Variants in SARDH observed in about 807,000 individuals in gnomAD.
SARDH encodes sarcosine dehydrogenase, also known as sarcosine dehydrogenase, mitochondrial.
Under a neutral mutation model 109.1 loss-of-function variants are expected in SARDH, and 95 were observed. The observed-to-expected ratio is 0.87, with a 90% CI of 0.74 to 1.03. The LOEUF (loss-of-function observed/expected upper bound fraction) is 1.03, where lower values mean the gene tolerates loss of function less well. Ranked by LOEUF, SARDH falls within the 50% of genes least tolerant of loss-of-function variation. The pLI is 0.00. For missense variants in SARDH, 1,267 were observed against 1,287.8 expected (o/e 0.98, Z 0.25); for synonymous variants, 572 against 534.8 (o/e 1.07, Z -0.96).
Position 133,694,313 on chromosome 9 carries a change from A to C in SARDH, c.1866T>G (p.Thr622=). ...NHRGGTESDL[T]VSRLAPSHQA... is the part of the protein sequence containing the mutation. ...GGTGGCTGGGTGCCAGGCGGCTGAC[A>C]GTCAGGTCACTCTCGGTGCCCCCAC... The change falls in exon 15 of 21, where the codon ACT becomes ACG. Residue 622 remains threonine (T), a synonymous_variant. Coordinates refer to ENST00000439388, the MANE Select transcript of SARDH (RefSeq NM_001134707.2). 1.3e-6 allele frequency: 2 copies of C among 1,550,608 alleles called. No homozygotes were observed. Among genetic ancestry groups the C allele is most frequent in the South Asian group, 2.4e-5 (2 of 84,042 alleles).
At chr9:133,660,762 C>T (rs1290667787), downstream of SARDH, among the ~76,000 whole-genome samples, 2 of 152,190 alleles carry the variant, frequency 1.3e-5, no homozygotes, top group African/African-American at 2.4e-5. Flanking sequence ...AATGCTCATG[C>T]CCATCAGTGT....
chr9:133,659,828 T>C (rs1042794791), downstream of SARDH, among the ~76,000 whole-genome samples: 26 of 152,168 alleles, frequency 1.7e-4, no homozygotes, highest in Admixed American at 1.6e-3. Context: ...ACAGCCTAGG[T>C]GACAGTAGAC....
At chr9:133,671,178 C>T (rs1218290873) in intron 18 of SARDH, among the ~76,000 whole-genome samples, 5 of 152,188 alleles carry the variant, frequency 3.3e-5, no homozygotes, top group Non-Finnish European at 7.4e-5. Context: ...CACCTGCTCC[C>T]TGGCTCCATT....
chr9:133,662,044 TTGGGAGGTGAGTTGTGGAGGC>T (rs780604277), downstream of SARDH, among the ~76,000 whole-genome samples: 2 of 152,006 alleles, frequency 1.3e-5, no homozygotes, highest in Non-Finnish European at 1.5e-5. This position sits in a 1 kb window ranked among gnomAD's most constrained non-coding sequence, Gnocchi z 5.1. Flanking sequence ...GGTGATGAGC[TTGGGAGGTGAGTTGTGGAGGC>T]TGCGCTCACA....
intron 6 of SARDH, chr9:133,725,560 C>A (rs894104782): frequency 2.1e-5 from 9 of 427,490 alleles, no homozygotes; most frequent in Admixed American, 7.8e-5. Context: ...CATTTAATCC[C>A]AGCTACATGG....
chr9:133,673,578 T>C (rs1830422068), intron 17 of SARDH, among the ~76,000 whole-genome samples: 1 of 152,234 alleles, frequency 6.6e-6, no homozygotes, highest in East Asian at 1.9e-4. Flanking sequence ...CTAAAAGCTT[T>C]GGAAATAGCG....
At chr9:133,726,367 C>CT (rs1832489413) in intron 6 of SARDH, among the ~76,000 whole-genome samples, 1 of 4,782 alleles carries the variant, frequency 2.1e-4, no homozygotes, top group Admixed American at 2.9e-3. Context: ...GACCCTGTCT[C>CT]AAATAATAAT....
intron 18 of SARDH, 26 bp from the exon 19 acceptor site, chr9:133,670,778 G>A (rs45517631): frequency 0.02 from 31,067 of 1,544,002 alleles, 425 homozygotes; most frequent in Non-Finnish European, 0.022. Flanking sequence ...CCATGGGGTC[G>A]GTGCCACCCT....
intron 17 of SARDH, among the ~76,000 whole-genome samples, chr9:133,683,736 T>A (rs1830781205): frequency 6.6e-6 from 1 of 152,218 alleles, no homozygotes; most frequent in Non-Finnish European, 1.5e-5. Flanking sequence ...ATTGTTTATC[T>A]GCTAACAGAA....
Position 133,708,364 on chromosome 9 carries a change from C to T in SARDH, c.1393G>A (p.Ala465Thr), listed in dbSNP as rs1831781468. The T allele has an allele frequency of 3.1e-6, 5 of 1,613,210 alleles. No homozygotes were observed. The highest frequency in any genetic ancestry group is 1.3e-5 in the African/African-American group (1 of 74,894). Reference protein sequence around the residue: ...WIRERSHESYAKNYSVVFPHD... With the variant: ...WIRERSHESYTKNYSVVFPHD... ...GGGAAGACGACGGAGTAGTTCTTGG[C>T]GTAGGACTCATGGCTTCGCTCTCGG... Residue 465 changes from alanine to threonine, a missense_variant, in exon 11 of 21, where the codon GCC (alanine) becomes ACC (threonine). Transcript: ENST00000439388.
rs1159741696 is a variant in SARDH at position 133,718,760 on chromosome 9, G to A, written c.1020+178C>T. ...GCCCTGGGTCTGTATTTGACTGCCT[G>A]CCAGGACCGTCAGGGTAAGAGCAAG... On this transcript the variant is annotated intron_variant, in intron 7 of 20. Coordinates refer to ENST00000439388, the MANE Select transcript of SARDH (RefSeq NM_001134707.2). This position sits in a 1 kb window ranked among gnomAD's most constrained non-coding sequence, Gnocchi z 4.2. 1 of 781,804 alleles carries A rather than the reference G, an allele frequency of 1.3e-6. No homozygotes were observed. The highest frequency in any genetic ancestry group is 2.4e-6 in the Non-Finnish European group (1 of 420,426). 48.4% of individuals were successfully genotyped at this position (781,804 alleles called of 1,614,324 possible). A position where few individuals can be genotyped will look rare whatever the true frequency, so the allele number is the denominator to read the frequency against.
chr9:133,679,263 G>A (rs544274743), intron 17 of SARDH, among the ~76,000 whole-genome samples: 2 of 152,330 alleles, frequency 1.3e-5, no homozygotes, highest in South Asian at 2.1e-4. Context: ...AAATCTGCAC[G>A]GGTTCTGTAA....
rs535766533 is a variant in SARDH, at chr9:133,683,014, G to A, written c.2163+2179C>T. ...TGAGCAGGAGACTGTGGGGAGAGGC[G>A]GCCCCTGCACCCCCTGCACCCCCCA... On this transcript the variant is annotated intron_variant, in intron 17 of 20. Transcript: ENST00000439388. Among the ~76,000 whole-genome samples the A allele has an allele frequency of 3.2e-4, 49 of 152,346 alleles. 1 individual carries two copies. The Middle Eastern group carries it at 0.01, about 32-fold the overall frequency.
intron 15 of SARDH, 102 bp downstream of exon 15, chr9:133,694,156 C>A (rs569198801): frequency 1.2e-6 from 1 of 829,150 alleles, no homozygotes; most frequent in East Asian, 2.7e-5. Flanking sequence ...AATGACAGAG[C>A]TGCCGTCAGC....
chr9:133,730,000 TGGGAGCAGGTTTA>T, intron 5 of SARDH, 51 bp downstream of exon 5: 1 of 1,603,128 alleles, frequency 6.2e-7, no homozygotes, highest in Non-Finnish European at 8.5e-7. Flanking sequence ...CCTGCAGAGG[TGGGAGCAGGTTTA>T]GGGAGCAGCC....
rs750662818 is a variant in SARDH, at chr9:133,666,875, A to G, written c.2496-5T>C. ...AGGCCAAACATGGGTACTTTGCTGG[A>G]AGAAGCAGTAGAGAAAGCTGGGGCC... is the stretch of plus-strand genomic sequence containing the variant. On this transcript the variant is annotated splice_polypyrimidine_tract_variant and splice_region_variant and intron_variant, in intron 19 of 20. Coordinates refer to ENST00000439388, the MANE Select transcript of SARDH (RefSeq NM_001134707.2). This position sits in a 1 kb window ranked among gnomAD's most constrained non-coding sequence, Gnocchi z 5.2. 1.3e-5 allele frequency: 21 copies of G among 1,612,348 alleles called. No individual in the cohort carries two copies. In the Middle Eastern group the frequency reaches 4.9e-4, roughly 38 times the overall value.
At chr9:133,732,374 A>AGCCCCCCCCCCCC in intron 3 of SARDH, 49 bp downstream of exon 3, 1 of 396,486 alleles carries the variant, frequency 2.5e-6, no homozygotes, top group Non-Finnish European at 5.0e-6. Flanking sequence ...CAGGGAGTGC[A>AGCCCCCCCCCCCC]CCCACCCACC....
intron 13 of SARDH, 99 bp from the exon 14 acceptor site, chr9:133,696,460 A>G (rs1831293256): frequency 1.4e-6 from 2 of 1,466,442 alleles, no homozygotes; most frequent in Admixed American, 1.7e-5. Flanking sequence ...ACACACCTGT[A>G]CTGAGCCTCC....
At chr9:133,708,450 G>A (rs1831787868) in intron 10 of SARDH, 22 bp from the exon 11 acceptor site, 1 of 1,599,544 alleles carries the variant, frequency 6.3e-7, no homozygotes, top group Non-Finnish European at 8.5e-7. Context: ...AGGGGGACGG[G>A]TCACTGCTTT....
Sources: allele counts gnomAD v4.1 joint callset (sites outside exome capture counted in the v4.1 genomes callset), GRCh38; gene constraint gnomAD v4.1.1; non-coding constraint Gnocchi (gnomAD v3.1); transcripts MANE v1.5; gene names NCBI Gene and HGNC (gene_info 2026-07-23, HGNC 2026-07-21).